The following TNFAIP8 variants were observed in gnomAD, a reference collection of about 807,000 sequenced individuals.
TNFAIP8 encodes the protein TNF alpha induced protein 8.
TNFAIP8 carries 7 observed loss-of-function variants against 13.3 expected under a neutral mutation model. The ratio of observed to expected loss-of-function variants is 0.52; its 90% CI spans 0.30 to 0.99. TNFAIP8 has a LOEUF of 0.99. Among genes scored for constraint, TNFAIP8 ranks in the 50% least tolerant of loss-of-function variants. TNFAIP8 has a pLI of 0.07. For synonymous variants in TNFAIP8, 94 were observed against 87.6 expected, an observed-to-expected ratio of 1.07 and a Z score of -0.41; for missense variants, 258 against 236.9, an observed-to-expected ratio of 1.09 and a Z score of -0.58.
chr5:119,324,442 T>A (rs994407497), intron 1 of TNFAIP8, among the ~76,000 whole-genome samples: 1 of 152,090 alleles, frequency 6.6e-6, no homozygotes, highest in Admixed American at 6.5e-5. Flanking sequence ...CAGAGGGGCC[T>A]CCAGTCACTG....
intron 1 of TNFAIP8, among the ~76,000 whole-genome samples, chr5:119,359,378 C>A (rs1458304604): frequency 6.6e-6 from 1 of 152,166 alleles, no homozygotes; most frequent in Non-Finnish European, 1.5e-5. Context: ...AGCACCTGTT[C>A]CTTTCCTTGC....
chr5:119,287,280 G>GTTTTTTTTTTTTTTT (rs58452491), intron 1 of TNFAIP8, among the ~76,000 whole-genome samples: 2 of 109,236 alleles, frequency 1.8e-5, no homozygotes, highest in African/African-American at 3.4e-5. Flanking sequence ...CAGTAACCAA[G>GTTTTTTTTTTTTTTT]TTTTTTTTTT....
chr5:119,290,704 T>G (rs191296142), intron 1 of TNFAIP8, among the ~76,000 whole-genome samples: 91 of 152,272 alleles, frequency 6.0e-4, no homozygotes, highest in Admixed American at 5.9e-3. Context: ...GGCGAAGATC[T>G]GCATAATAAT....
At chr5:119,282,051 C>G (rs911931843) in intron 1 of TNFAIP8, among the ~76,000 whole-genome samples, 1 of 152,216 alleles carries the variant, frequency 6.6e-6, no homozygotes, top group African/African-American at 2.4e-5. Flanking sequence ...ATACGTGCTA[C>G]TCTTTTAGCA....
chr5:119,321,148 C>T (rs111580059), intron 1 of TNFAIP8, among the ~76,000 whole-genome samples: 4,885 of 152,092 alleles, frequency 0.032, 263 homozygotes, highest in African/African-American at 0.11. Context: ...ACCCGGGAGG[C>T]GGAGCTTGCA....
At chr5:119,374,501 T>C (rs1220807361) in intron 1 of TNFAIP8, among the ~76,000 whole-genome samples, 1 of 152,192 alleles carries the variant, frequency 6.6e-6, no homozygotes, top group East Asian at 1.9e-4. Flanking sequence ...GGTAACATTT[T>C]GAGAGAAAGG....
intron 1 of TNFAIP8, among the ~76,000 whole-genome samples, chr5:119,365,802 A>G (rs1051344776): frequency 4.6e-5 from 7 of 152,222 alleles, no homozygotes; most frequent in African/African-American, 1.7e-4. Flanking sequence ...ACAAGTCTAA[A>G]CATTCGACTC....
intron 1 of TNFAIP8, among the ~76,000 whole-genome samples, chr5:119,344,508 C>T (rs1433239045): frequency 6.6e-6 from 1 of 152,194 alleles, no homozygotes; most frequent in Admixed American, 6.5e-5. Context: ...TGGGGCCTCA[C>T]CCACAGCCTG....
chr5:119,314,221 G>C (rs564604187), intron 1 of TNFAIP8, among the ~76,000 whole-genome samples: 2 of 152,166 alleles, frequency 1.3e-5, no homozygotes, highest in Non-Finnish European at 2.9e-5. Context: ...CATGTCTGTC[G>C]TCTGTTTTGT....
intron 1 of TNFAIP8, among the ~76,000 whole-genome samples, chr5:119,325,691 G>A (rs897424654): frequency 4.6e-5 from 7 of 152,136 alleles, no homozygotes; most frequent in African/African-American, 1.4e-4. Context: ...CTCGTGATCC[G>A]CCGGCCTCGG....
chr5:119,362,391 C>CA (rs2112790893), intron 1 of TNFAIP8, among the ~76,000 whole-genome samples: 1 of 152,254 alleles, frequency 6.6e-6, no homozygotes, highest in Non-Finnish European at 1.5e-5. Flanking sequence ...ATGTAGGTAA[C>CA]AGAGATAAGA....
rs74439608 is a variant in TNFAIP8, at chr5:119,370,914, A to G, written c.31+14793A>G. Among the ~76,000 whole-genome samples the G allele has an allele frequency of 4.3e-3, 648 of 152,314 alleles. 3 individuals carry two copies. Among genetic ancestry groups the G allele is most frequent in the African/African-American group, 0.014 (601 of 41,568 alleles). ...GGAATCTTTTCCTTTGGGAACCTGG[A>G]ATCTCAACTCAAGGATTCTGTAGCT... On this transcript the variant is annotated intron_variant, in intron 1 of 1. Transcript: ENST00000504771.
intron 1 of TNFAIP8, among the ~76,000 whole-genome samples, chr5:119,368,952 T>C (rs990896396): frequency 3.3e-5 from 5 of 152,244 alleles, no homozygotes; most frequent in Non-Finnish European, 7.4e-5. Flanking sequence ...TTGAAAATAC[T>C]GGAATCCTCT....
chr5:119,395,892 A>G lies in TNFAIP8; in HGVS notation c.*2511A>G, dbSNP rs1390510863. ...ATAGTATCTGTTCACGTTTTGAAAA[A>G]AATTGTGTTGTAATTGATTTTATTT... On this transcript the variant is annotated 3_prime_UTR_variant, in exon 2 of 2. Coordinates refer to ENST00000504771, the MANE Select transcript of TNFAIP8 (RefSeq NM_014350.4). The G allele has an allele frequency of 2.0e-5, 3 of 152,140 alleles. No individual in the cohort carries two copies. Among genetic ancestry groups the G allele is most frequent in the Non-Finnish European group, 2.9e-5 (2 of 68,038 alleles). The allele number at this position is 152,140 out of a possible 1,614,324, so 9.4% of individuals were successfully genotyped here. A position where few individuals can be genotyped will look rare whatever the true frequency, so the allele number is the denominator to read the frequency against.
chr5:119,380,609 A>G (rs952215942), intron 1 of TNFAIP8, among the ~76,000 whole-genome samples: 1 of 152,262 alleles, frequency 6.6e-6, no homozygotes, highest in South Asian at 2.1e-4. Flanking sequence ...AGAAAGACTA[A>G]TGTATCCTAA....
At chr5:119,270,890 C>G (rs1009215268) in intron 1 of TNFAIP8, among the ~76,000 whole-genome samples, 2 of 152,202 alleles carry the variant, frequency 1.3e-5, no homozygotes, top group Non-Finnish European at 2.9e-5. Context: ...TGATCCTGCA[C>G]AAATGGGCCT....
chr5:119,311,073 A>C (rs1037707084), intron 1 of TNFAIP8, among the ~76,000 whole-genome samples: 8 of 151,962 alleles, frequency 5.3e-5, no homozygotes, highest in Non-Finnish European at 1.0e-4. Flanking sequence ...CCTAGGCTGG[A>C]GTGCAATGGC....
chr5:119,302,195 C>A (rs538433089), intron 1 of TNFAIP8, among the ~76,000 whole-genome samples: 1 of 152,322 alleles, frequency 6.6e-6, no homozygotes, highest in Admixed American at 6.5e-5. Flanking sequence ...TTCAAACCAC[C>A]TGTTGAATTT....
At chr5:119,361,731 A>G (rs1404470880) in intron 1 of TNFAIP8, among the ~76,000 whole-genome samples, 1 of 152,182 alleles carries the variant, frequency 6.6e-6, no homozygotes, top group Non-Finnish European at 1.5e-5. Context: ...GCTTGGTGCC[A>G]GCTCACCTGG....
Sources: allele counts gnomAD v4.1 joint callset (sites outside exome capture counted in the v4.1 genomes callset), GRCh38; gene constraint gnomAD v4.1.1; transcripts MANE v1.5; gene names NCBI Gene and HGNC (gene_info 2026-07-23, HGNC 2026-07-21).